The following MDGA2 variants were observed in gnomAD, a reference collection of about 807,000 sequenced individuals.
MDGA2 encodes the protein MAM domain containing glycosylphosphatidylinositol anchor 2, also known as MAM domain-containing glycosylphosphatidylinositol anchor protein 2.
In MDGA2, 40 loss-of-function variants were observed where a neutral mutation model predicts 117.8. That is an observed-to-expected ratio of 0.34 (90% confidence interval 0.26 to 0.44). MDGA2 has a LOEUF of 0.44. Among genes scored for constraint, MDGA2 ranks in the 20% least tolerant of loss-of-function variants. MDGA2 has a pLI of 1.00. For synonymous variants in MDGA2, 452 were observed against 439.0 expected, an observed-to-expected ratio of 1.03 and a Z score of -0.37; for missense variants, 1,123 against 1,250.6, an observed-to-expected ratio of 0.90 and a Z score of 1.54.
At chr14:47,586,594 T>C (rs898874729) in intron 1 of MDGA2, among the ~76,000 whole-genome samples, 4 of 151,934 alleles carry the variant, frequency 2.6e-5, no homozygotes, top group African/African-American at 7.2e-5. Context: ...CCCAGAGTTG[T>C]TGTTTCCAAA....
At chr14:47,535,993 C>A (rs1273439015) in intron 1 of MDGA2, among the ~76,000 whole-genome samples, 2 of 152,178 alleles carry the variant, frequency 1.3e-5, no homozygotes, top group African/African-American at 4.8e-5. Context: ...GTTAACTGAG[C>A]CCTCATGGCA....
chr14:47,576,169 C>T (rs771115971), intron 1 of MDGA2, among the ~76,000 whole-genome samples: 1 of 152,112 alleles, frequency 6.6e-6, no homozygotes, highest in South Asian at 2.1e-4. Flanking sequence ...TTTCTATTTT[C>T]CCATTTCATT....
chr14:47,221,127 C>G (rs918920599), intron 2 of MDGA2, among the ~76,000 whole-genome samples: 7 of 145,646 alleles, frequency 4.8e-5, no homozygotes, highest in Non-Finnish European at 9.0e-5. Context: ...TTTTTAAAAC[C>G]AAAAGGACAT....
intron 9 of MDGA2, among the ~76,000 whole-genome samples, chr14:46,951,616 G>C (rs1415492889): frequency 1.3e-5 from 2 of 151,850 alleles, no homozygotes; most frequent in Non-Finnish European, 2.9e-5. Flanking sequence ...AGGGTCTCAG[G>C]GTAGCTCCAG....
At chr14:46,944,711 AATATACT>A (rs1885112785) in intron 9 of MDGA2, among the ~76,000 whole-genome samples, 1 of 151,902 alleles carries the variant, frequency 6.6e-6, no homozygotes, top group Admixed American at 6.6e-5. Flanking sequence ...TGCCTTTTCC[AATATACT>A]ATTAAGCCCA....
chr14:47,283,865 G>A (rs181603589), intron 2 of MDGA2, among the ~76,000 whole-genome samples: 34 of 152,254 alleles, frequency 2.2e-4, no homozygotes, highest in Admixed American at 2.2e-3. Flanking sequence ...TTTGATGGGT[G>A]ACGATAATAA....
chr14:47,324,072 T>C (rs983349358), intron 1 of MDGA2, among the ~76,000 whole-genome samples: 4 of 151,874 alleles, frequency 2.6e-5, no homozygotes, highest in Middle Eastern at 3.4e-3. Flanking sequence ...AGTGAAACCC[T>C]GTCTCCACTA....
chr14:47,506,144 G>A (rs755730875), intron 1 of MDGA2, among the ~76,000 whole-genome samples: 1 of 152,120 alleles, frequency 6.6e-6, no homozygotes, highest in Non-Finnish European at 1.5e-5. Flanking sequence ...TATAAAGAAA[G>A]TAATTTTTTG....
chr14:47,073,190 T>A (rs1156719473), intron 6 of MDGA2, among the ~76,000 whole-genome samples: 1 of 152,166 alleles, frequency 6.6e-6, no homozygotes, highest in Non-Finnish European at 1.5e-5. Context: ...TGAGGGAATA[T>A]CTAAATACCT....
At chr14:47,551,621 T>A (rs1301335539) in intron 1 of MDGA2, among the ~76,000 whole-genome samples, 1 of 152,140 alleles carries the variant, frequency 6.6e-6, no homozygotes, top group African/African-American at 2.4e-5. Flanking sequence ...ATTTTATATA[T>A]CAATCCTGCA....
intron 1 of MDGA2, among the ~76,000 whole-genome samples, chr14:47,582,461 A>G (rs1271126075): frequency 6.6e-6 from 1 of 151,920 alleles, no homozygotes; most frequent in Non-Finnish European, 1.5e-5. Flanking sequence ...CTCAATTTAT[A>G]TGCTAAACCT....
rs772122691 is a variant in MDGA2, at chr14:47,166,033, C to CA, written c.596-21760_596-21759insT. The stretch of plus-strand genomic sequence containing the variant: ...CCCATTTTATAAGCAGCACTGTTTA[C>CA]TTTTTTTTTTTTTTTTTTTTTAGAC... On this transcript the variant is annotated intron_variant, in intron 3 of 16. Transcript: ENST00000399232. 1.1e-4 allele frequency among the ~76,000 whole-genome samples: 13 copies of CA among 115,486 alleles called. No homozygotes were observed. The East Asian group carries it at 2.5e-3, about 22-fold the overall frequency. 75.8% of individuals were successfully genotyped at this position (115,486 alleles called of 152,430 possible).
chr14:47,116,083 A>C (rs543390198), intron 5 of MDGA2, among the ~76,000 whole-genome samples: 47 of 152,114 alleles, frequency 3.1e-4, no homozygotes, highest in Admixed American at 9.8e-4. Context: ...GATACAAAAT[A>C]AATGTACAAA....
intron 2 of MDGA2, among the ~76,000 whole-genome samples, chr14:47,270,853 T>C (rs1021175055): frequency 6.6e-6 from 1 of 152,064 alleles, no homozygotes; most frequent in Non-Finnish European, 1.5e-5. Flanking sequence ...GAAATATATG[T>C]CTTCATTTGA....
intron 1 of MDGA2, among the ~76,000 whole-genome samples, chr14:47,653,859 T>G (rs1376370767): frequency 6.6e-6 from 1 of 152,090 alleles, no homozygotes; most frequent in Non-Finnish European, 1.5e-5. Context: ...AGCCAAGACA[T>G]AAAAGGAGGC....
chr14:47,245,005 ACT>A (rs140714786), intron 2 of MDGA2, among the ~76,000 whole-genome samples: 10,116 of 150,792 alleles, frequency 0.067, 540 homozygotes, highest in Non-Finnish European at 0.078. Flanking sequence ...CTTCCACATG[ACT>A]CTCTTTTCAT....
At position 47,262,771 on chromosome 14, in the gene MDGA2, G is replaced by C. The variant is rs375401917; in HGVS notation, c.420+38640C>G. ...TGGTATCTTGGACTTCACTTTCATG[G>C]AGATGAAGAGCATAGATTTGAAAGC... On this transcript the variant is annotated intron_variant, in intron 2 of 16. Coordinates refer to ENST00000399232, the MANE Select transcript of MDGA2 (RefSeq NM_001113498.3). Among the ~76,000 whole-genome samples the C allele has an allele frequency of 1.2e-4, 19 of 152,258 alleles. 1 individual carries two copies. The East Asian group carries it at 2.5e-3, about 20-fold the overall frequency.
intron 3 of MDGA2, among the ~76,000 whole-genome samples, chr14:47,215,877 C>T (rs1886067046): frequency 6.6e-6 from 1 of 152,038 alleles, no homozygotes; most frequent in African/African-American, 2.4e-5. Flanking sequence ...ATTGAAATAA[C>T]ATAGAACGAG....
chr14:47,632,496 C>T (rs1897259574), intron 1 of MDGA2, among the ~76,000 whole-genome samples: 1 of 152,116 alleles, frequency 6.6e-6, no homozygotes, highest in Non-Finnish European at 1.5e-5. Context: ...TCATGAGAAA[C>T]ATTGTAAAAA....
Sources: allele counts gnomAD v4.1 joint callset (sites outside exome capture counted in the v4.1 genomes callset), GRCh38; gene constraint gnomAD v4.1.1; transcripts MANE v1.5; gene names NCBI Gene and HGNC (gene_info 2026-07-23, HGNC 2026-07-21).